Variants in OSBPL8 observed in about 807,000 individuals in gnomAD.
OSBPL8 encodes oxysterol-binding protein-related protein 8.
Under a neutral mutation model 125.5 loss-of-function variants are expected in OSBPL8, and 59 were observed. The ratio of observed to expected loss-of-function variants is 0.47; its 90% confidence interval spans 0.38 to 0.58. The LOEUF (loss-of-function observed/expected upper bound fraction) is 0.58. Ranked by LOEUF, OSBPL8 falls within the 20% of genes least tolerant of loss-of-function variation. The pLI is 0.00. For synonymous variants in OSBPL8, 330 were observed against 338.9 expected (o/e 0.97, Z 0.29); for missense variants, 758 against 1,047.8 (o/e 0.72, Z 3.82).
chr12:76,453,868 A>G, intron 3 of OSBPL8, among the ~76,000 whole-genome samples: 1 of 152,202 alleles, frequency 6.6e-6, no homozygotes, highest in East Asian at 1.9e-4. Flanking sequence ...AAAGAACATC[A>G]TAATAGCAAA....
rs145971474 is a variant in OSBPL8 at position 76,448,002 on chromosome 12, G to T, written c.217+2849C>A. On this transcript the variant is annotated intron_variant, in intron 4 of 23. Coordinates refer to ENST00000261183, the MANE Select transcript of OSBPL8 (RefSeq NM_020841.5). Reference sequence around the variant, plus strand: ...TGTAGAAAGATTTGGGGAAAACTAGGCAAAATTTAAATATAGACTAGGTGT... The same window carrying T: ...TGTAGAAAGATTTGGGGAAAACTAGTCAAAATTTAAATATAGACTAGGTGT... Among the ~76,000 whole-genome samples, 93 of 152,270 alleles carry T rather than the reference G, an allele frequency of 6.1e-4. 1 individual carries two copies. In the East Asian group the frequency reaches 0.016, roughly 27 times the overall value.
At chr12:76,501,691 C>T (rs919567247) in intron 1 of OSBPL8, among the ~76,000 whole-genome samples, 1 of 152,178 alleles carries the variant, frequency 6.6e-6, no homozygotes, top group Non-Finnish European at 1.5e-5. Context: ...TTCCACTCAC[C>T]AAAGCTGACC....
intron 1 of OSBPL8, among the ~76,000 whole-genome samples, 156 bp downstream of exon 1, chr12:76,559,241 C>A (rs1307696385): frequency 1.3e-5 from 2 of 152,216 alleles, no homozygotes; most frequent in Admixed American, 1.3e-4. Context: ...TCCAATCCCC[C>A]TACTCCAAAA....
At position 76,353,065 on chromosome 12, in the gene OSBPL8, T is replaced by C. The variant is rs1248086982; in HGVS notation, c.*2824A>G. Reference sequence around the variant, plus strand: ...AACACCTTGAATCACATTATAGTTCTGTAACACAAAAAATGACAAAAAATA... The same window carrying C: ...AACACCTTGAATCACATTATAGTTCCGTAACACAAAAAATGACAAAAAATA... On this transcript the variant is annotated 3_prime_UTR_variant, in exon 24 of 24. Coordinates refer to ENST00000261183, the MANE Select transcript of OSBPL8 (RefSeq NM_020841.5). The C allele has an allele frequency of 6.6e-6, 1 of 152,424 alleles. No homozygotes were observed. The highest frequency in any genetic ancestry group is 3.2e-3 in the Middle Eastern group (1 of 316). The allele number at this position is 152,424 out of a possible 1,614,324, so 9.4% of individuals were successfully genotyped here. A position where few individuals can be genotyped will look rare whatever the true frequency, so the allele number is the denominator to read the frequency against.
intron 1 of OSBPL8, among the ~76,000 whole-genome samples, chr12:76,526,895 C>A (rs1950195355): frequency 6.6e-6 from 1 of 151,868 alleles, no homozygotes; most frequent in African/African-American, 2.4e-5. Context: ...AGGTGATCCA[C>A]CGTCTCAGCC....
At chr12:76,421,325 G>C (rs1317743369) in intron 4 of OSBPL8, among the ~76,000 whole-genome samples, 2 of 152,024 alleles carry the variant, frequency 1.3e-5, no homozygotes, top group East Asian at 3.9e-4. Flanking sequence ...ACATAAGAAA[G>C]ACGCATGAGA....
At chr12:76,496,306 T>A (rs1879262987) in intron 1 of OSBPL8, among the ~76,000 whole-genome samples, 2 of 152,150 alleles carry the variant, frequency 1.3e-5, no homozygotes, top group African/African-American at 4.8e-5. Context: ...TCTGTGCTGT[T>A]GGTTTTCCTC....
chr12:76,528,025 T>C (rs1455433621), intron 1 of OSBPL8, among the ~76,000 whole-genome samples: 1 of 152,084 alleles, frequency 6.6e-6, no homozygotes, highest in Admixed American at 6.6e-5. Flanking sequence ...CCTTCTAATA[T>C]ATAAGCATTA....
At chr12:76,386,338 A>G in intron 13 of OSBPL8, 72 bp from the exon 14 acceptor site, 1 of 1,511,944 alleles carries the variant, frequency 6.6e-7, no homozygotes, top group South Asian at 1.3e-5. Flanking sequence ...ACTAGTCAAA[A>G]TGGGTTTAAC....
At chr12:76,435,183 T>C (rs1041358525) in intron 4 of OSBPL8, among the ~76,000 whole-genome samples, 5 of 141,444 alleles carry the variant, frequency 3.5e-5, no homozygotes, top group Non-Finnish European at 6.4e-5. Flanking sequence ...TGTGTGTGTG[T>C]GTGCATATAT....
chr12:76,436,430 C>T (rs1871452128), intron 4 of OSBPL8, among the ~76,000 whole-genome samples: 1 of 151,896 alleles, frequency 6.6e-6, no homozygotes, highest in Non-Finnish European at 1.5e-5. Flanking sequence ...ACCAGTGGTC[C>T]CTAAATTTTG....
intron 4 of OSBPL8, among the ~76,000 whole-genome samples, chr12:76,437,895 AAGT>A (rs138966450): frequency 0.013 from 2,006 of 152,312 alleles, 32 homozygotes; most frequent in African/African-American, 0.041. Context: ...CTGTTATTTT[AAGT>A]AGTGTACCTT....
chr12:76,487,453 C>T (rs1878273826), intron 2 of OSBPL8, 57 bp downstream of exon 2: 5 of 1,442,412 alleles, frequency 3.5e-6, no homozygotes, highest in Admixed American at 4.7e-5. Flanking sequence ...CCCTAGCTTA[C>T]ATCAAACACT....
At chr12:76,493,828 C>T (rs1057434587) in intron 1 of OSBPL8, among the ~76,000 whole-genome samples, 4 of 152,118 alleles carry the variant, frequency 2.6e-5, no homozygotes, top group African/African-American at 9.7e-5. Context: ...TTGAATTCTA[C>T]AAATGTTAGC....
At chr12:76,540,748 A>C (rs1454096134) in intron 1 of OSBPL8, among the ~76,000 whole-genome samples, 2 of 151,998 alleles carry the variant, frequency 1.3e-5, no homozygotes, top group Non-Finnish European at 2.9e-5. Context: ...AAATGGCTTA[A>C]GTCTCTCTCA....
Position 76,371,730 on chromosome 12 carries a change from A to C in OSBPL8, c.1918-146T>G, listed in dbSNP as rs994413010. 1.3e-4 allele frequency: 90 copies of C among 675,502 alleles called. No individual in the cohort carries two copies. In the African/African-American group the frequency reaches 1.4e-3, roughly 11 times the overall value. The allele number at this position is 675,502 out of a possible 1,614,324, so 41.8% of individuals were successfully genotyped here. On this transcript the variant is annotated intron_variant, in intron 18 of 23. Coordinates refer to ENST00000261183, the MANE Select transcript of OSBPL8 (RefSeq NM_020841.5). ...AACAAATATAACTAGCACTTTTCCA[A>C]AAACTCCAAGTTTCTTATCATTTTT...
At chr12:76,420,383 C>T (rs887598966) in intron 4 of OSBPL8, among the ~76,000 whole-genome samples, 1 of 151,972 alleles carries the variant, frequency 6.6e-6, no homozygotes, top group African/African-American at 2.4e-5. Flanking sequence ...GTAAAACAAG[C>T]ATACCTAAAA....
chr12:76,375,530 G>A (rs1952785407), intron 16 of OSBPL8, among the ~76,000 whole-genome samples, 160 bp from the exon 17 acceptor site: 1 of 152,136 alleles, frequency 6.6e-6, no homozygotes, highest in African/African-American at 2.4e-5. Flanking sequence ...AGTTGGTTCT[G>A]TAGGATATAA....
chr12:76,518,690 C>T (rs1185140258), intron 1 of OSBPL8, among the ~76,000 whole-genome samples: 1 of 152,218 alleles, frequency 6.6e-6, no homozygotes, highest in Non-Finnish European at 1.5e-5. Context: ...CTCCTTTATA[C>T]TTGCCCTCTT....
Sources: allele counts gnomAD v4.1 joint callset (sites outside exome capture counted in the v4.1 genomes callset), GRCh38; gene constraint gnomAD v4.1.1; transcripts MANE v1.5; gene names NCBI Gene and HGNC (gene_info 2026-07-23, HGNC 2026-07-21).